CTNNBL1: variants seen among roughly 807,000 people sequenced by gnomAD.
CTNNBL1 encodes the protein beta-catenin-like protein 1.
In CTNNBL1, 31 loss-of-function variants were observed where a neutral mutation model predicts 72.7. That is an observed-to-expected ratio of 0.43 (90% CI 0.32 to 0.58). The LOEUF (loss-of-function observed/expected upper bound fraction) is 0.58, where lower values mean the gene tolerates loss of function less well. Ranked by LOEUF, CTNNBL1 falls within the 20% of genes least tolerant of loss-of-function variation. The pLI, the probability that CTNNBL1 is intolerant of heterozygous loss-of-function variation, is 0.08. For synonymous variants in CTNNBL1, 240 were observed against 267.3 expected (o/e 0.90, Z 1.00); for missense variants, 534 against 725.1 (o/e 0.74, Z 3.03).
chr20:37,778,857 A>G (rs943212995), intron 9 of CTNNBL1, among the ~76,000 whole-genome samples: 5 of 151,732 alleles, frequency 3.3e-5, no homozygotes, highest in Admixed American at 2.6e-4. Flanking sequence ...TCCTTTATGG[A>G]GTTTTTCTGT....
At chr20:37,854,177 C>T (rs1286967389) in intron 13 of CTNNBL1, among the ~76,000 whole-genome samples, 1 of 152,200 alleles carries the variant, frequency 6.6e-6, no homozygotes, top group East Asian at 1.9e-4. Flanking sequence ...TGGCATTGCT[C>T]TCTTGAGTTT....
intron 11 of CTNNBL1, among the ~76,000 whole-genome samples, chr20:37,835,540 G>A (rs544670538): frequency 1.3e-5 from 2 of 152,310 alleles, no homozygotes; most frequent in Admixed American, 6.5e-5. Flanking sequence ...TATACTAATA[G>A]TGGGTATGTC....
Position 37,806,898 on chromosome 20 carries a change from T to C in CTNNBL1, c.1213+3850T>C, listed in dbSNP as rs556415184. On this transcript the variant is annotated intron_variant, in intron 11 of 15. Coordinates refer to ENST00000361383, the MANE Select transcript of CTNNBL1 (RefSeq NM_030877.5). Reference sequence around the variant, plus strand: ...CTTGTAGCCATGGGAATTCAGGGAGTTGCTATGCCAGCTGAGCCCTGAACC... The same window carrying C: ...CTTGTAGCCATGGGAATTCAGGGAGCTGCTATGCCAGCTGAGCCCTGAACC... 6.6e-5 allele frequency among the ~76,000 whole-genome samples: 10 copies of C among 152,092 alleles called. No homozygotes were observed. In the South Asian group the frequency reaches 2.1e-3, roughly 32 times the overall value.
intron 1 of CTNNBL1, among the ~76,000 whole-genome samples, chr20:37,720,601 G>A (rs181312505): frequency 1.7e-3 from 262 of 152,332 alleles, no homozygotes; most frequent in Non-Finnish European, 2.7e-3. Flanking sequence ...CATTGACTAC[G>A]AGAATCTTAG....
chr20:37,747,037 G>A (rs1387064048), intron 4 of CTNNBL1, among the ~76,000 whole-genome samples: 3 of 152,170 alleles, frequency 2.0e-5, no homozygotes, highest in East Asian at 3.8e-4. Flanking sequence ...AGCACATTTG[G>A]ATGTCCAGGA....
chr20:37,816,442 ATTG>A (rs769198427), intron 11 of CTNNBL1, among the ~76,000 whole-genome samples: 17 of 152,208 alleles, frequency 1.1e-4, no homozygotes, highest in Admixed American at 3.9e-4. Context: ...TTCTGCCATA[ATTG>A]TTGTGCTTAG....
chr20:37,752,574 C>G (rs1317725392), intron 4 of CTNNBL1, among the ~76,000 whole-genome samples: 1 of 147,044 alleles, frequency 6.8e-6, no homozygotes, highest in Non-Finnish European at 1.5e-5. Context: ...TTTTTAATAA[C>G]TTTGTTCCTT....
chr20:37,848,424 G>A (rs1169813531), intron 13 of CTNNBL1, among the ~76,000 whole-genome samples: 1 of 152,054 alleles, frequency 6.6e-6, no homozygotes. Flanking sequence ...CCAAAGTGCT[G>A]GAGTTACAGA....
At chr20:37,826,521 CA>C (rs2072161513) in intron 11 of CTNNBL1, among the ~76,000 whole-genome samples, 1 of 152,178 alleles carries the variant, frequency 6.6e-6, no homozygotes, top group Non-Finnish European at 1.5e-5. Context: ...TTCAAAATTT[CA>C]AACAACAGAC....
chr20:37,706,151 T>C (rs2072882677), intron 1 of CTNNBL1, among the ~76,000 whole-genome samples: 1 of 152,232 alleles, frequency 6.6e-6, no homozygotes, highest in African/African-American at 2.4e-5. Flanking sequence ...TTTTTGCTGG[T>C]GGATGGAGGG....
chr20:37,836,082 C>T lies in CTNNBL1; in HGVS notation c.1214-4020C>T, dbSNP rs150649129. 7.4e-3 allele frequency among the ~76,000 whole-genome samples: 1,119 copies of T among 152,200 alleles called. 13 individuals carry two copies. Among genetic ancestry groups the T allele is most frequent in the African/African-American group, 0.025 (1,041 of 41,530 alleles). On this transcript the variant is annotated intron_variant, in intron 11 of 15. Transcript: ENST00000361383. Reference sequence around the variant, plus strand: ...ACATCCATTGCTTTTATTTTAAACTCCATTGGTAGGGGGTGAAGGGAATCA... The same window carrying T: ...ACATCCATTGCTTTTATTTTAAACTTCATTGGTAGGGGGTGAAGGGAATCA...
chr20:37,863,446 G>A (rs1232517593), intron 15 of CTNNBL1, among the ~76,000 whole-genome samples: 1 of 152,242 alleles, frequency 6.6e-6, no homozygotes, highest in Non-Finnish European at 1.5e-5. Context: ...TGTGAACAGT[G>A]TGCTGAGGGA....
At chr20:37,847,960 A>G (rs1020581956) in intron 13 of CTNNBL1, 1 of 152,582 alleles carries the variant, frequency 6.6e-6, no homozygotes, top group African/African-American at 2.4e-5. Flanking sequence ...AAAGATTTAT[A>G]TGGAAGGGGG....
intron 1 of CTNNBL1, among the ~76,000 whole-genome samples, chr20:37,697,337 A>C (rs2072802119): frequency 6.6e-6 from 1 of 152,208 alleles, no homozygotes; most frequent in Non-Finnish European, 1.5e-5. Flanking sequence ...AAGGACACAG[A>C]GGAATGGGCA....
chr20:37,786,959 A>G (rs191330415), intron 10 of CTNNBL1, among the ~76,000 whole-genome samples: 6 of 152,280 alleles, frequency 3.9e-5, no homozygotes, highest in African/African-American at 1.4e-4. Context: ...ATTTGAATAG[A>G]ATTTGTGTTT....
chr20:37,768,386 G>T (rs897028038), intron 7 of CTNNBL1, among the ~76,000 whole-genome samples: 8 of 152,160 alleles, frequency 5.3e-5, no homozygotes, highest in African/African-American at 1.4e-4. Flanking sequence ...AATTTTCTGT[G>T]TATATGAGAG....
At chr20:37,727,865 C>T (rs562004521) in intron 1 of CTNNBL1, among the ~76,000 whole-genome samples, 19 of 152,186 alleles carry the variant, frequency 1.2e-4, no homozygotes, top group Non-Finnish European at 2.6e-4. Context: ...CTCTGAGCTT[C>T]TTCCCTGCTT....
chr20:37,811,583 C>G (rs1375958957), intron 11 of CTNNBL1, among the ~76,000 whole-genome samples: 2 of 152,148 alleles, frequency 1.3e-5, no homozygotes, highest in African/African-American at 2.4e-5. Flanking sequence ...TATGGGGTTC[C>G]TTTCATCAGG....
chr20:37,695,017 CT>C (rs1490856820), intron 1 of CTNNBL1: 1 of 152,136 alleles, frequency 6.6e-6, no homozygotes, highest in Non-Finnish European at 1.5e-5. Flanking sequence ...TGTGACTAGT[CT>C]GAATTGAGAA....
Sources: allele counts gnomAD v4.1 joint callset (sites outside exome capture counted in the v4.1 genomes callset), GRCh38; gene constraint gnomAD v4.1.1; transcripts MANE v1.5; gene names NCBI Gene and HGNC (gene_info 2026-07-23, HGNC 2026-07-21).